TBC1D32: variants seen among roughly 807,000 people sequenced by gnomAD.
TBC1D32 encodes the protein protein broad-minded.
In TBC1D32, 151 loss-of-function variants were observed where a neutral mutation model predicts 170.3. The observed-to-expected ratio is 0.89, with a 90% CI of 0.78 to 1.01. The LOEUF (loss-of-function observed/expected upper bound fraction) is 1.01. Among genes scored for constraint, TBC1D32 ranks in the 50% least tolerant of loss-of-function variants. TBC1D32 has a pLI of 0.00. For synonymous variants in TBC1D32, 498 were observed against 488.0 expected (o/e 1.02, Z -0.27); for missense variants, 1,464 against 1,457.1 (o/e 1.00, Z -0.08).
intron 27 of TBC1D32, among the ~76,000 whole-genome samples, chr6:121,114,886 G>A (rs1207166260): frequency 2.0e-5 from 3 of 152,066 alleles, no homozygotes; most frequent in African/African-American, 7.2e-5. Flanking sequence ...TGTTACCAAC[G>A]TGCTGACTTT....
At chr6:121,197,335 G>GA (rs1228033020) in intron 22 of TBC1D32, among the ~76,000 whole-genome samples, 2 of 152,004 alleles carry the variant, frequency 1.3e-5, no homozygotes, top group Non-Finnish European at 2.9e-5. Flanking sequence ...ACTTCACCAA[G>GA]AAAAAAACCA....
In TBC1D32 at chr6:121,088,855, A is replaced by C. The variant is rs539968199; in HGVS notation, c.3654+1998T>G. On this transcript the variant is annotated intron_variant, in intron 31 of 31. Transcript: ENST00000398212. Reference sequence around the variant, plus strand: ...TAATTTAACAGAGGCTTAGGTCATAATCTCCTCTCCCCATTTAATCCTTTA... The same window carrying C: ...TAATTTAACAGAGGCTTAGGTCATACTCTCCTCTCCCCATTTAATCCTTTA... 2.6e-5 allele frequency among the ~76,000 whole-genome samples: 4 copies of C among 152,272 alleles called. No individual in the cohort carries two copies. In the South Asian group the frequency reaches 8.3e-4, roughly 32 times the overall value.
At chr6:121,234,911 G>A (rs1796153338) in intron 20 of TBC1D32, among the ~76,000 whole-genome samples, 1 of 152,176 alleles carries the variant, frequency 6.6e-6, no homozygotes, top group Admixed American at 6.5e-5. Context: ...ACTACTTGAT[G>A]TAGTGTTCTC....
chr6:121,234,673 T>C (rs1409054672), intron 20 of TBC1D32, among the ~76,000 whole-genome samples: 1 of 152,204 alleles, frequency 6.6e-6, no homozygotes, highest in African/African-American at 2.4e-5. Flanking sequence ...TGATGACTCC[T>C]TGATTAGCTG....
chr6:121,138,716 T>C (rs1428126551), intron 24 of TBC1D32, among the ~76,000 whole-genome samples: 2 of 152,124 alleles, frequency 1.3e-5, no homozygotes, highest in African/African-American at 4.8e-5. Context: ...AAATATTTGA[T>C]AAAAGACTAT....
chr6:121,155,520 C>T (rs963843270), intron 24 of TBC1D32, among the ~76,000 whole-genome samples: 1 of 152,060 alleles, frequency 6.6e-6, no homozygotes, highest in Non-Finnish European at 1.5e-5. Context: ...TTCTAGCAAG[C>T]ACTTTCAGTA....
rs765233735 is a variant in TBC1D32 at position 121,294,638 on chromosome 6, C to A, written c.1163G>T (p.Cys388Phe). The change falls in exon 11 of 32, where the codon TGT becomes TTT. Residue 388 changes from cysteine to phenylalanine, a missense_variant. Transcript: ENST00000398212. ...KSLVTTAIQQ[C>F]VQYFEMCKTR... ...CTTACACATTTCAAAGTACTGAACACACTGTTGAATGGCTGTAGTTACCTG... is the reference window on the plus strand; with the variant it reads ...CTTACACATTTCAAAGTACTGAACAAACTGTTGAATGGCTGTAGTTACCTG... 2 of 1,612,450 alleles carry A rather than the reference C, an allele frequency of 1.2e-6. No individual in the cohort carries two copies. The highest frequency in any genetic ancestry group is 4.5e-5 in the East Asian group (2 of 44,716).
intron 24 of TBC1D32, among the ~76,000 whole-genome samples, chr6:121,144,755 A>C (rs1198568463): frequency 6.6e-6 from 1 of 152,188 alleles, no homozygotes; most frequent in Non-Finnish European, 1.5e-5. Flanking sequence ...ATAGTATTTC[A>C]GTCATGAGAT....
At chr6:121,100,937 C>T (rs1427941972) in intron 30 of TBC1D32, among the ~76,000 whole-genome samples, 2 of 151,906 alleles carry the variant, frequency 1.3e-5, no homozygotes, top group Non-Finnish European at 2.9e-5. Flanking sequence ...TACAAACTAC[C>T]ATCAGAGAAT....
intron 20 of TBC1D32, among the ~76,000 whole-genome samples, chr6:121,231,759 A>G (rs1795769624): frequency 6.6e-6 from 1 of 151,600 alleles, no homozygotes; most frequent in Admixed American, 6.6e-5. Flanking sequence ...ACTTTTTGAT[A>G]TGGTTGCTTG....
intron 30 of TBC1D32, among the ~76,000 whole-genome samples, chr6:121,101,232 T>C (rs1013815089): frequency 2.0e-5 from 3 of 152,112 alleles, no homozygotes; most frequent in Non-Finnish European, 4.4e-5. Context: ...CCCGAACTCA[T>C]TTTATGAGGC....
chr6:121,256,542 A>G (rs1799045301), intron 15 of TBC1D32, among the ~76,000 whole-genome samples: 1 of 152,196 alleles, frequency 6.6e-6, no homozygotes. Context: ...CATTGAGACC[A>G]CAGCCATGTA....
rs1275299442 is a variant in TBC1D32, at chr6:121,099,164, CAT to C, written c.3465+6857_3465+6858del. ...TTATCTGTGTTAGCCTAATTGTTGA[CAT>C]AGTACAATATAATAATCAAAGATGT... is the stretch of plus-strand genomic sequence containing the variant. On this transcript the variant is annotated intron_variant, in intron 30 of 31. Coordinates refer to ENST00000398212, the MANE Select transcript of TBC1D32 (RefSeq NM_152730.6). 2.6e-5 allele frequency among the ~76,000 whole-genome samples: 4 copies of C among 151,934 alleles called. No individual in the cohort carries two copies. In the East Asian group the frequency reaches 7.7e-4, roughly 29 times the overall value.
chr6:121,250,148 T>C (rs1343222373), intron 17 of TBC1D32, among the ~76,000 whole-genome samples: 1 of 151,978 alleles, frequency 6.6e-6, no homozygotes, highest in Non-Finnish European at 1.5e-5. Flanking sequence ...GTACGAATTC[T>C]ACCAGAGATA....
chr6:121,313,446 G>A (rs1379170928), intron 3 of TBC1D32, among the ~76,000 whole-genome samples: 2 of 151,612 alleles, frequency 1.3e-5, no homozygotes, highest in African/African-American at 4.8e-5. Context: ...ACTATACCTG[G>A]CTGATTTTTG....
At chr6:121,205,214 A>C (rs772616658) in intron 21 of TBC1D32, 51 bp from the exon 22 acceptor site, 1 of 918,528 alleles carries the variant, frequency 1.1e-6, no homozygotes, top group Non-Finnish European at 1.6e-6. Context: ...TCATTTAAAG[A>C]AAATTAAGTC....
In TBC1D32 at chr6:121,283,911, C is replaced by G. The variant is rs781462645; in HGVS notation, c.1373-1G>C. On this transcript the variant is annotated splice_acceptor_variant, in intron 12 of 31. Coordinates refer to ENST00000398212, the MANE Select transcript of TBC1D32 (RefSeq NM_152730.6). LOFTEE classifies it high-confidence loss of function. ...AGCAGATCTATGAGGGATACCAAAC[C>G]TTTAAAAAGAAAATAAAGAGAAAAT... 1.9e-6 allele frequency: 3 copies of G among 1,579,680 alleles called. No homozygotes were observed. The highest frequency in any genetic ancestry group is 2.6e-6 in the Non-Finnish European group (3 of 1,157,662).
intron 15 of TBC1D32, among the ~76,000 whole-genome samples, chr6:121,270,238 C>G (rs1211472182): frequency 6.6e-6 from 1 of 151,878 alleles, no homozygotes; most frequent in Non-Finnish European, 1.5e-5. Flanking sequence ...CAAAAGTTAG[C>G]AGAAGGCAAA....
At chr6:121,243,870 A>G (rs1583368006) in intron 17 of TBC1D32, among the ~76,000 whole-genome samples, 2 of 152,210 alleles carry the variant, frequency 1.3e-5, no homozygotes, top group African/African-American at 4.8e-5. Flanking sequence ...AAATTACAAA[A>G]ATATTTAGAA....
Sources: allele counts gnomAD v4.1 joint callset (sites outside exome capture counted in the v4.1 genomes callset), GRCh38; gene constraint gnomAD v4.1.1; transcripts MANE v1.5; gene names NCBI Gene and HGNC (gene_info 2026-07-23, HGNC 2026-07-21).